Variants in PAPSS1 observed in about 807,000 individuals in gnomAD.
PAPSS1 encodes the protein 3'-phosphoadenosine 5'-phosphosulfate synthase 1.
A neutral mutation model predicts 72.0 loss-of-function variants in PAPSS1; 50 were observed. That is an observed-to-expected ratio of 0.69 (90% CI 0.55 to 0.88). The LOEUF (loss-of-function observed/expected upper bound fraction) is 0.88. Among genes scored for constraint, PAPSS1 ranks in the 40% least tolerant of loss-of-function variants. PAPSS1 has a pLI of 0.00. For synonymous variants in PAPSS1, 261 were observed against 263.6 expected (o/e 0.99, Z 0.09); for missense variants, 657 against 782.2 (o/e 0.84, Z 1.91).
intron 6 of PAPSS1, among the ~76,000 whole-genome samples, chr4:107,658,678 C>T (rs1727084129): frequency 6.6e-6 from 1 of 151,942 alleles, no homozygotes; most frequent in African/African-American, 2.4e-5. Flanking sequence ...ACTGCAAAAT[C>T]AATTCACAGG....
intron 2 of PAPSS1, among the ~76,000 whole-genome samples, chr4:107,695,825 C>G (rs1473277137): frequency 1.6e-4 from 25 of 152,092 alleles, no homozygotes; most frequent in Non-Finnish European, 7.4e-5. Flanking sequence ...TTTTTGCAAT[C>G]TACCCATCTG....
At chr4:107,671,673 A>C (rs1727471656) in intron 5 of PAPSS1, among the ~76,000 whole-genome samples, 1 of 152,204 alleles carries the variant, frequency 6.6e-6, no homozygotes, top group Admixed American at 6.5e-5. Flanking sequence ...GGACTCCTTG[A>C]GGACACCAAA....
intron 4 of PAPSS1, among the ~76,000 whole-genome samples, chr4:107,684,530 T>C (rs146644602): frequency 1.1e-3 from 166 of 152,312 alleles, no homozygotes; most frequent in African/African-American, 3.4e-3. Flanking sequence ...GATTAAGATC[T>C]GAATGGGGAC....
chr4:107,653,490 C>T lies in PAPSS1; in HGVS notation c.1237+1G>A. 6.2e-7 allele frequency: 1 copy of T among 1,610,062 alleles called. No homozygotes were observed. Among genetic ancestry groups the T allele is most frequent in the South Asian group, 1.1e-5 (1 of 89,872 alleles). The stretch of plus-strand genomic sequence containing the variant: ...ATTAGGTAATTAAATCCATGTCTTA[C>T]CAGCATTCATATCTTTAAATTTCTG... On this transcript the variant is annotated splice_donor_variant, in intron 9 of 11. Coordinates refer to ENST00000265174, the MANE Select transcript of PAPSS1 (RefSeq NM_005443.5). LOFTEE classifies it high-confidence loss of function.
intron 5 of PAPSS1, among the ~76,000 whole-genome samples, chr4:107,679,923 T>G (rs1378806656): frequency 6.6e-6 from 1 of 152,196 alleles, no homozygotes; most frequent in Non-Finnish European, 1.5e-5. Context: ...AGAATTGTTT[T>G]TTAATGATTA....
At chr4:107,621,857 T>C (rs532912007) in intron 11 of PAPSS1, among the ~76,000 whole-genome samples, 1 of 151,986 alleles carries the variant, frequency 6.6e-6, no homozygotes, top group East Asian at 1.9e-4. Flanking sequence ...CTTGATCTCC[T>C]GACCTCGTAA....
chr4:107,663,627 C>G (rs1727244795), intron 5 of PAPSS1, among the ~76,000 whole-genome samples: 1 of 148,910 alleles, frequency 6.7e-6, no homozygotes, highest in Non-Finnish European at 1.5e-5. Flanking sequence ...ACAACTTGAC[C>G]CAAATCCCTG....
At chr4:107,664,491 AC>A (rs1727265230) in intron 5 of PAPSS1, among the ~76,000 whole-genome samples, 1 of 152,194 alleles carries the variant, frequency 6.6e-6, no homozygotes, top group Non-Finnish European at 1.5e-5. Flanking sequence ...TGCTCCAGGC[AC>A]AGGGCTGGGA....
In PAPSS1 at chr4:107,654,808, A is replaced by G. The variant is rs1199981369; in HGVS notation, c.988T>C (p.Tyr330His). The G allele has an allele frequency of 1.9e-6, 3 of 1,614,022 alleles. No individual in the cohort carries two copies. The highest frequency in any genetic ancestry group is 2.5e-6 in the Non-Finnish European group (3 of 1,179,910). Reference sequence around the variant, plus strand: ...AGAATGGCCACACGGCGGCCCTCATACATCAGAGCAAATGCTGTACAGCCG... The same window carrying G: ...AGAATGGCCACACGGCGGCCCTCATGCATCAGAGCAAATGCTGTACAGCCG... ...LDGCTAFALMYEGRRVAILRN... is the reference protein window; with the variant it reads ...LDGCTAFALMHEGRRVAILRN... Residue 330 changes from tyrosine (Y) to histidine (H), a missense_variant, in exon 8 of 12, where the codon TAT becomes CAT. Tyr to His is a moderately conservative substitution (Grantham distance 83). Coordinates refer to ENST00000265174, the MANE Select transcript of PAPSS1 (RefSeq NM_005443.5).
intron 6 of PAPSS1, among the ~76,000 whole-genome samples, chr4:107,659,517 C>T (rs2110322439): frequency 6.6e-6 from 1 of 152,148 alleles, no homozygotes; most frequent in African/African-American, 2.4e-5. Flanking sequence ...GGAAAGACAG[C>T]TAATGATATC....
intron 11 of PAPSS1, among the ~76,000 whole-genome samples, chr4:107,621,728 C>T (rs1239160581): frequency 7.0e-6 from 1 of 143,518 alleles, no homozygotes; most frequent in East Asian, 2.2e-4. Flanking sequence ...TCACGCCATT[C>T]TCCTGCCTCA....
At chr4:107,661,194 GACA>G (rs1041351519) in intron 5 of PAPSS1, among the ~76,000 whole-genome samples, 5 of 152,136 alleles carry the variant, frequency 3.3e-5, no homozygotes, top group Admixed American at 3.3e-4. Context: ...CCGAAACACT[GACA>G]ACATCTAATG....
At chr4:107,644,692 G>A in intron 10 of PAPSS1, 110 bp downstream of exon 10, 1 of 1,000,996 alleles carries the variant, frequency 1.0e-6, no homozygotes, top group African/African-American at 1.6e-5. Context: ...TATAACAAAT[G>A]TTTGGAACAG....
At chr4:107,686,897 G>C (rs1426485398) in intron 4 of PAPSS1, 142 bp downstream of exon 4, 7 of 770,244 alleles carry the variant, frequency 9.1e-6, no homozygotes, top group African/African-American at 1.8e-5. Context: ...CTGAGAGATA[G>C]AACAGTGTAA....
At chr4:107,686,986 T>A (rs1297555783) in intron 4 of PAPSS1, 53 bp downstream of exon 4, 2 of 1,502,408 alleles carry the variant, frequency 1.3e-6, no homozygotes, top group Admixed American at 4.0e-5. Flanking sequence ...ATCCTAGATA[T>A]GGGAACATAA....
In PAPSS1 at chr4:107,693,953, CCAGGTA is replaced by C; in HGVS notation, c.223_228del (p.Tyr75_Leu76del). 6.2e-7 allele frequency: 1 copy of C among 1,613,806 alleles called. No individual in the cohort carries two copies. Among genetic ancestry groups the C allele is most frequent in the Non-Finnish European group, 8.5e-7 (1 of 1,179,850 alleles). On this transcript the variant is annotated inframe_deletion, in exon 3 of 12. Coordinates refer to ENST00000265174, the MANE Select transcript of PAPSS1 (RefSeq NM_005443.5). ...GTGTAGCATGGAATACCATGACAAA[CCAGGTA>C]CTCCTCCAAGGCCATGCTCACAGTA...
chr4:107,719,931 C>T (rs1723735724), intron 1 of PAPSS1, 189 bp downstream of exon 1: 2 of 1,381,022 alleles, frequency 1.4e-6, no homozygotes. Context: ...GAGATCCCCA[C>T]CCTGCGCCGC....
rs111490904 is a variant in PAPSS1 at position 107,703,558 on chromosome 4, C to A, written c.61-2273G>T. On this transcript the variant is annotated intron_variant, in intron 1 of 11. Coordinates refer to ENST00000265174, the MANE Select transcript of PAPSS1 (RefSeq NM_005443.5). ...TATATGAGGTGAGATAAGGGTCTAA[C>A]TTCATTCTTCTTCACGCAGATATCC... Among the ~76,000 whole-genome samples, 688 of 152,150 alleles carry A rather than the reference C, an allele frequency of 4.5e-3. 4 individuals are homozygous for A. Among genetic ancestry groups the A allele is most frequent in the African/African-American group, 0.016 (654 of 41,498 alleles).
At chr4:107,639,764 G>C (rs1400775018) in intron 10 of PAPSS1, among the ~76,000 whole-genome samples, 2 of 152,184 alleles carry the variant, frequency 1.3e-5, no homozygotes, top group African/African-American at 2.4e-5. Context: ...TTGGAAGTGT[G>C]TAGAGGGAAG....
Sources: allele counts gnomAD v4.1 joint callset (sites outside exome capture counted in the v4.1 genomes callset), GRCh38; gene constraint gnomAD v4.1.1; transcripts MANE v1.5; gene names NCBI Gene and HGNC (gene_info 2026-07-23, HGNC 2026-07-21).